PYGL: variants seen among roughly 807,000 people sequenced by gnomAD.
PYGL encodes glycogen phosphorylase, liver form.
PYGL carries 90 observed loss-of-function variants against 100.1 expected under a neutral mutation model. The observed-to-expected ratio is 0.90, with a 90% CI of 0.76 to 1.07. The LOEUF is 1.07. Ranked by LOEUF, PYGL falls within the 50% of genes least tolerant of loss-of-function variation. PYGL has a pLI of 0.00. For synonymous variants in PYGL, 373 were observed against 393.0 expected, an observed-to-expected ratio of 0.95 and a Z score of 0.60; for missense variants, 1,016 against 1,057.6, an observed-to-expected ratio of 0.96 and a Z score of 0.55.
At chr14:50,906,561 G>C (rs1007397333) in intron 19 of PYGL, among the ~76,000 whole-genome samples, 3 of 152,232 alleles carry the variant, frequency 2.0e-5, no homozygotes, top group African/African-American at 7.2e-5. Flanking sequence ...CGAATCAAAT[G>C]CTGGGTTTCT....
At position 50,917,114 on chromosome 14, in the gene PYGL, C is replaced by T. The variant is rs781589851; in HGVS notation, c.856-9G>A. 9.3e-6 allele frequency: 15 copies of T among 1,613,136 alleles called. No homozygotes were observed. The highest frequency in any genetic ancestry group is 1.3e-5 in the Non-Finnish European group (15 of 1,179,198). ...TCCTTCCCTTCAAAAAACTTCAAGCCAGAGAGATAGAATAAAAATGGTTCA... is the reference window on the plus strand; with the variant it reads ...TCCTTCCCTTCAAAAAACTTCAAGCTAGAGAGATAGAATAAAAATGGTTCA... On this transcript the variant is annotated splice_polypyrimidine_tract_variant and intron_variant, in intron 7 of 19. Transcript: ENST00000216392.
chr14:50,914,517 T>TA (rs950564791), intron 12 of PYGL, among the ~76,000 whole-genome samples, 184 bp downstream of exon 12: 2 of 151,490 alleles, frequency 1.3e-5, no homozygotes, highest in Admixed American at 6.6e-5. Context: ...ATAATAATAA[T>TA]AATAAATAAT....
rs747401136 is a variant in PYGL at position 50,917,105 on chromosome 14, A to C, written c.856T>G (p.Phe286Val). 6.2e-7 allele frequency: 1 copy of C among 1,613,732 alleles called. No individual in the cohort carries two copies. Among genetic ancestry groups the C allele is most frequent in the Non-Finnish European group, 8.5e-7 (1 of 1,179,660 alleles). Reference sequence around the variant, plus strand: ...AATCTTAGCTCCTTCCCTTCAAAAAACTTCAAGCCAGAGAGATAGAATAAA... The same window carrying C: ...AATCTTAGCTCCTTCCCTTCAAAAACCTTCAAGCCAGAGAGATAGAATAAA... ...ISRVLYPNDN[F>V]FEGKELRLKQ... The change falls in exon 8 of 20, where the codon TTT (phenylalanine) becomes GTT (valine). Residue 286 changes from phenylalanine (F) to valine (V), a missense_variant and splice_region_variant. Phe to Val is a conservative substitution (Grantham distance 50). Transcript: ENST00000216392.
chr14:50,943,156 C>T (rs1014151779), intron 1 of PYGL, among the ~76,000 whole-genome samples: 6 of 152,114 alleles, frequency 3.9e-5, no homozygotes, highest in Non-Finnish European at 8.8e-5. Flanking sequence ...TTTCCCACTG[C>T]CCCTGGGATG....
chr14:50,927,992 G>A (rs966531793), intron 4 of PYGL, among the ~76,000 whole-genome samples: 2 of 152,158 alleles, frequency 1.3e-5, no homozygotes, highest in Non-Finnish European at 2.9e-5. Context: ...GCCAAGGTGG[G>A]AGAACTTTCA....
At chr14:50,908,359 A>T in intron 18 of PYGL, 22 bp from the exon 19 acceptor site, 2 of 1,555,738 alleles carry the variant, frequency 1.3e-6, no homozygotes, top group Non-Finnish European at 1.8e-6. Flanking sequence ...TGAGTGGAAG[A>T]GGAAAAAAAC....
intron 5 of PYGL, chr14:50,921,335 C>T (rs1410733512): frequency 2.2e-5 from 10 of 451,964 alleles, no homozygotes; most frequent in Admixed American, 1.4e-4. Context: ...CTCCATGTGC[C>T]CTTGCCCTGA....
chr14:50,941,647 G>A (rs1596055216), intron 1 of PYGL, among the ~76,000 whole-genome samples: 1 of 152,152 alleles, frequency 6.6e-6, no homozygotes, highest in South Asian at 2.1e-4. Flanking sequence ...TTGGGAGGCC[G>A]AGGTGGGTGG....
chr14:50,928,754 A>T (rs2050577680), intron 4 of PYGL, among the ~76,000 whole-genome samples: 2 of 152,004 alleles, frequency 1.3e-5, no homozygotes, highest in Admixed American at 6.6e-5. Flanking sequence ...AATTTTCATC[A>T]GCCTTCTCCA....
intron 17 of PYGL, among the ~76,000 whole-genome samples, chr14:50,909,307 C>A (rs1160202345): frequency 6.6e-6 from 1 of 152,090 alleles, no homozygotes; most frequent in Non-Finnish European, 1.5e-5. Flanking sequence ...CTTTTTGGAT[C>A]CACAGATTCT....
At chr14:50,905,658 T>C (rs1262539653) in intron 19 of PYGL, 102 bp from the exon 20 acceptor site, 2 of 1,145,000 alleles carry the variant, frequency 1.7e-6, no homozygotes, top group East Asian at 4.7e-5. Flanking sequence ...TGAGGGAAAA[T>C]GACAGGAATA....
Position 50,912,262 on chromosome 14 carries a change from G to A in PYGL, c.1662C>T (p.Tyr554=). The change falls in exon 14 of 20, where the codon TAC becomes TAT. Residue 554 remains tyrosine (Y), a synonymous_variant. Transcript: ENST00000216392. The part of the protein sequence containing the change: ...LKFSQFLETE[Y]KVKINPSSMF... ...TGGAGGATGGGTTGATCTTCACTTTGTACTCCGTCTCCAGGAACTGAGAAA... is the reference window on the plus strand; with the variant it reads ...TGGAGGATGGGTTGATCTTCACTTTATACTCCGTCTCCAGGAACTGAGAAA... 6.2e-7 allele frequency: 1 copy of A among 1,614,008 alleles called. No homozygotes were observed.
intron 3 of PYGL, among the ~76,000 whole-genome samples, chr14:50,934,857 T>C (rs1391222372): frequency 6.6e-6 from 1 of 152,178 alleles, no homozygotes; most frequent in East Asian, 1.9e-4. Context: ...TAACATACTC[T>C]TAAGTGCATA....
rs1479617693 is a variant in PYGL at position 50,915,155 on chromosome 14, ATTCTTTTCTTTCCTT to A, written c.1403+166_1403+180del. 4 of 828,706 alleles carry A rather than the reference ATTCTTTTCTTTCCTT, an allele frequency of 4.8e-6. No individual in the cohort carries two copies. The South Asian group carries it at 7.0e-5, about 14-fold the overall frequency. The allele number at this position is 828,706 out of a possible 1,614,324, so 51.3% of individuals were successfully genotyped here. A position where few individuals can be genotyped will look rare whatever the true frequency, so the allele number is the denominator to read the frequency against. ...ATTAAGATGGCTCTGAGAGGAAAGC[ATTCTTTTCTTTCCTT>A]TTCTTTTCTTTTTTTTTTTTAGGCA... On this transcript the variant is annotated intron_variant, in intron 11 of 19. Transcript: ENST00000216392.
intron 1 of PYGL, among the ~76,000 whole-genome samples, chr14:50,942,248 G>A (rs575043098): frequency 3.1e-5 from 3 of 95,344 alleles, no homozygotes; most frequent in South Asian, 8.5e-4. Context: ...TACACACGTC[G>A]GAATTCCTGG....
intron 1 of PYGL, among the ~76,000 whole-genome samples, chr14:50,942,152 C>T (rs749334079): frequency 1.3e-5 from 2 of 152,134 alleles, no homozygotes; most frequent in East Asian, 1.9e-4. Flanking sequence ...TTTAGACAGA[C>T]GACTGTGATG....
rs114538890 is a variant in PYGL at position 50,921,392 on chromosome 14, G to A, written c.661-325C>T. 7.8e-3 allele frequency: 1,887 copies of A among 240,752 alleles called. 32 individuals carry two copies. Among genetic ancestry groups the A allele is most frequent in the African/African-American group, 0.04 (1,767 of 43,760 alleles). 14.9% of individuals were successfully genotyped at this position (240,752 alleles called of 1,614,324 possible). On this transcript the variant is annotated intron_variant, in intron 5 of 19. Transcript: ENST00000216392. ...TGATATGGTATTTGTATTCAAAAAAGTTTATCTTTTTTTTTTTTTGAGACG... is the reference window on the plus strand; with the variant it reads ...TGATATGGTATTTGTATTCAAAAAAATTTATCTTTTTTTTTTTTTGAGACG...
Position 50,911,806 on chromosome 14 carries a change from C to A in PYGL, c.1893G>T (p.Val631=), listed in dbSNP as rs778074560. 3.1e-6 allele frequency: 5 copies of A among 1,614,016 alleles called. No individual in the cohort carries two copies. Among genetic ancestry groups the A allele is most frequent in the Middle Eastern group, 1.6e-4 (1 of 6,082 alleles). ...TGCTTCCAACCATAGGGTCATTGTT[C>A]ACCACATCTGCCACTGAAGTGATCA... ...IKLITSVADV[V]NNDPMVGSKL... is the part of the protein sequence containing the mutation. Residue 631 remains valine, a synonymous_variant, in exon 16 of 20, where the codon GTG becomes GTT. Coordinates refer to ENST00000216392, the MANE Select transcript of PYGL (RefSeq NM_002863.5).
In PYGL at chr14:50,905,253, A is replaced by G; in HGVS notation, c.*139T>C. On this transcript the variant is annotated 3_prime_UTR_variant, in exon 20 of 20. Transcript: ENST00000216392. Reference sequence around the variant, plus strand: ...AATTGACACTTTATTTTTAAGCTCTATTACATATAATTTCCCTCCCCATTC... The same window carrying G: ...AATTGACACTTTATTTTTAAGCTCTGTTACATATAATTTCCCTCCCCATTC... The G allele has an allele frequency of 1.1e-6, 1 of 878,480 alleles. No homozygotes were observed. The highest frequency in any genetic ancestry group is 1.8e-6 in the Non-Finnish European group (1 of 560,984). The allele number at this position is 878,480 out of a possible 1,614,324, so 54.4% of individuals were successfully genotyped here.
Sources: allele counts gnomAD v4.1 joint callset (sites outside exome capture counted in the v4.1 genomes callset), GRCh38; gene constraint gnomAD v4.1.1; transcripts MANE v1.5; gene names NCBI Gene and HGNC (gene_info 2026-07-23, HGNC 2026-07-21).